Variants in NAALADL2 observed in about 807,000 individuals in gnomAD.
NAALADL2 encodes N-acetylated alpha-linked acidic dipeptidase like 2.
Under a neutral mutation model 87.2 loss-of-function variants are expected in NAALADL2, and 76 were observed. The observed-to-expected ratio is 0.87, with a 90% CI of 0.72 to 1.05. NAALADL2 has a LOEUF of 1.05. NAALADL2 is among the 50% of genes least tolerant of loss of function. The pLI is 0.00. For missense variants in NAALADL2, 1,089 were observed against 945.8 expected (o/e 1.15, Z -1.99); for synonymous variants, 354 against 331.0 (o/e 1.07, Z -0.75).
At chr3:175,702,700 A>G (rs1291019357) in intron 11 of NAALADL2, among the ~76,000 whole-genome samples, 1 of 152,162 alleles carries the variant, frequency 6.6e-6, no homozygotes, top group East Asian at 1.9e-4. Context: ...GCTGCTAAGA[A>G]TAAAACTTTT....
At chr3:175,773,228 T>A (rs141292430) in intron 13 of NAALADL2, 2 of 152,174 alleles carry the variant, frequency 1.3e-5, no homozygotes, top group Non-Finnish European at 2.9e-5. Flanking sequence ...AGTTATATAT[T>A]CTTTTATAAT....
chr3:175,409,795 TAGAG>T (rs1303689409), intron 5 of NAALADL2, among the ~76,000 whole-genome samples: 1 of 152,010 alleles, frequency 6.6e-6, no homozygotes, highest in Non-Finnish European at 1.5e-5. Context: ...TGTATAAACT[TAGAG>T]AAAGAACACT....
At chr3:174,890,099 A>C (rs1407988994) in intron 1 of NAALADL2, among the ~76,000 whole-genome samples, 1 of 152,208 alleles carries the variant, frequency 6.6e-6, no homozygotes, top group Non-Finnish European at 1.5e-5. Flanking sequence ...CCATCACTCT[A>C]GAACATTGTT....
chr3:175,249,143 G>T (rs536773119), intron 3 of NAALADL2, among the ~76,000 whole-genome samples: 3 of 152,064 alleles, frequency 2.0e-5, no homozygotes, highest in African/African-American at 7.2e-5. Flanking sequence ...AGTTGAGCTC[G>T]ATCAGTTTGA....
chr3:174,657,200 G>A (rs904105772), intron 2 of NAALADL2, among the ~76,000 whole-genome samples: 1 of 151,686 alleles, frequency 6.6e-6, no homozygotes, highest in African/African-American at 2.4e-5. Flanking sequence ...CCACATTTTT[G>A]TTTTTGTAGA....
At chr3:175,322,037 C>T (rs912559575) in intron 4 of NAALADL2, among the ~76,000 whole-genome samples, 11 of 152,006 alleles carry the variant, frequency 7.2e-5, no homozygotes, top group South Asian at 4.2e-4. Context: ...CAAGTCAATC[C>T]GAAGCCAAAA....
chr3:174,683,850 G>C (rs868653075), intron 2 of NAALADL2, among the ~76,000 whole-genome samples: 2 of 151,920 alleles, frequency 1.3e-5, no homozygotes, highest in Non-Finnish European at 2.9e-5. Flanking sequence ...GTGAAAATGA[G>C]AATCTATTTT....
intron 11 of NAALADL2, among the ~76,000 whole-genome samples, chr3:175,632,286 C>A (rs563236649): frequency 1.2e-5 from 1 of 85,758 alleles, no homozygotes; most frequent in East Asian, 2.5e-4. Flanking sequence ...CTCTCTCTCT[C>A]TCTCTCTCTC....
At chr3:175,152,195 A>G (rs558063743) in intron 2 of NAALADL2, among the ~76,000 whole-genome samples, 80 of 152,320 alleles carry the variant, frequency 5.3e-4, no homozygotes, top group African/African-American at 1.8e-3. Flanking sequence ...AATGTAATAA[A>G]GAGATCATAA....
chr3:174,940,831 G>A (rs371363051), intron 1 of NAALADL2, among the ~76,000 whole-genome samples: 1 of 152,008 alleles, frequency 6.6e-6, no homozygotes, highest in South Asian at 2.1e-4. Context: ...TCTGATGGTT[G>A]TATTTCTGTG....
intron 13 of NAALADL2, among the ~76,000 whole-genome samples, chr3:175,799,542 T>C (rs554235143): frequency 2.0e-5 from 3 of 152,246 alleles, no homozygotes; most frequent in African/African-American, 7.2e-5. Flanking sequence ...AGAAAGCTTA[T>C]GTTAGCCTGA....
chr3:175,067,469 G>A (rs1210163272), intron 1 of NAALADL2, among the ~76,000 whole-genome samples: 8 of 151,972 alleles, frequency 5.3e-5, no homozygotes, highest in African/African-American at 9.7e-5. Flanking sequence ...ACATATCAGC[G>A]GCCAACAGAC....
intron 11 of NAALADL2, among the ~76,000 whole-genome samples, chr3:175,682,933 T>C (rs1735783984): frequency 6.6e-6 from 1 of 151,950 alleles, no homozygotes; most frequent in Non-Finnish European, 1.5e-5. Flanking sequence ...TGGGGAAACA[T>C]ATAACAAAAT....
chr3:175,325,151 TG>T (rs1301855170), intron 5 of NAALADL2, among the ~76,000 whole-genome samples: 1 of 92,780 alleles, frequency 1.1e-5, no homozygotes, highest in Non-Finnish European at 2.1e-5. Flanking sequence ...AAATTTTTTT[TG>T]TTTTTTTTTC....
intron 2 of NAALADL2, among the ~76,000 whole-genome samples, chr3:174,615,378 G>T (rs1002602820): frequency 3.9e-5 from 6 of 152,158 alleles, no homozygotes; most frequent in African/African-American, 1.4e-4. Flanking sequence ...TGAAATGTTA[G>T]TTGTGTCAGC....
intron 11 of NAALADL2, among the ~76,000 whole-genome samples, chr3:175,713,688 TTC>T (rs1740844458): frequency 6.6e-6 from 1 of 152,164 alleles, no homozygotes; most frequent in Non-Finnish European, 1.5e-5. Context: ...AGTTTCTTTA[TTC>T]TTTTTTGTTT....
chr3:174,932,721 A>G (rs991741108), intron 1 of NAALADL2, among the ~76,000 whole-genome samples: 1 of 152,156 alleles, frequency 6.6e-6, no homozygotes, highest in African/African-American at 2.4e-5. Flanking sequence ...AAACTTTAAC[A>G]CTGCTTAAAA....
intron 2 of NAALADL2, among the ~76,000 whole-genome samples, chr3:175,160,603 C>T (rs9815913): frequency 0.048 from 7,260 of 151,770 alleles, 247 homozygotes; most frequent in East Asian, 0.1. Context: ...CCGCCCGCCT[C>T]GGCCTCCCAA....
intron 2 of NAALADL2, among the ~76,000 whole-genome samples, chr3:175,131,733 C>G (rs1727917674): frequency 6.6e-6 from 1 of 150,956 alleles, no homozygotes; most frequent in Admixed American, 6.6e-5. Flanking sequence ...GCAGAGGCGC[C>G]CCTCACCCCC....
Sources: allele counts gnomAD v4.1 joint callset (sites outside exome capture counted in the v4.1 genomes callset), GRCh38; gene constraint gnomAD v4.1.1; transcripts MANE v1.5; gene names NCBI Gene and HGNC (gene_info 2026-07-23, HGNC 2026-07-21).